DLL1: variants seen among roughly 807,000 people sequenced by gnomAD.
The protein encoded by DLL1 is delta-like protein 1.
A neutral mutation model predicts 75.1 loss-of-function variants in DLL1; 9 were observed. The observed-to-expected ratio is 0.12, with a 90% confidence interval of 0.07 to 0.21. The LOEUF is 0.21. Ranked by LOEUF, DLL1 falls within the 10% of genes least tolerant of loss-of-function variation. DLL1 has a pLI of 1.00. For synonymous variants in DLL1, 477 were observed against 418.3 expected (o/e 1.14, Z -1.71); for missense variants, 837 against 1,007.6 (o/e 0.83, Z 2.29).
chr6:170,283,982 C>G lies in DLL1; in HGVS notation c.1297G>C (p.Ala433Pro), dbSNP rs1323392639. ...LGDAYLCRCQAGFSGRHCDDN... is the reference protein window; with the variant it reads ...LGDAYLCRCQPGFSGRHCDDN... ...TCACAGTGCCTCCCCGAGAAGCCGG[C>G]CTGGCAGCGGCACAGGTAGGCATCA... Residue 433 changes from alanine to proline, a missense_variant, in exon 9 of 11, where the codon GCC becomes CCC. Around this residue, in one of 2 missense-constraint regions of DLL1, gnomAD observed 533 missense variants for 545.7 expected, o/e 0.98. Transcript: ENST00000366756. The G allele has an allele frequency of 6.3e-7, 1 of 1,585,278 alleles. No homozygotes were observed. The highest frequency in any genetic ancestry group is 8.5e-7 in the Non-Finnish European group (1 of 1,170,938).
At chr6:170,284,085 AG>A (rs1297393201) in intron 8 of DLL1, 56 bp from the exon 9 acceptor site, 1 of 1,533,112 alleles carries the variant, frequency 6.5e-7, no homozygotes, top group African/African-American at 1.4e-5. Flanking sequence ...TTCACCAAAA[AG>A]TCACTCTGAA....
At position 170,290,012 on chromosome 6, in the gene DLL1, C is replaced by G. The variant is rs887424060; in HGVS notation, c.54+74G>C. ...GCCCGTGCCGCTGTCCGCCCCTCCC[C>G]GCGCGCTCCTGCCCCGCGCCCCGGC... On this transcript the variant is annotated intron_variant, in intron 1 of 10. Coordinates refer to ENST00000366756, the MANE Select transcript of DLL1 (RefSeq NM_005618.4). The surrounding 1 kb of genome is among the most constrained non-coding windows in gnomAD (Gnocchi z 4.7). 4 of 1,394,314 alleles carry G rather than the reference C, an allele frequency of 2.9e-6. No individual in the cohort carries two copies. Among genetic ancestry groups the G allele is most frequent in the Non-Finnish European group, 3.7e-6 (4 of 1,083,342 alleles). The allele number at this position is 1,394,314 out of a possible 1,614,324, so 86.4% of individuals were successfully genotyped here.
Position 170,283,335 on chromosome 6 carries a change from C to A in DLL1, c.1944G>T (p.Lys648Asn). The A allele has an allele frequency of 6.2e-7, 1 of 1,613,032 alleles. No individual in the cohort carries two copies. The highest frequency in any genetic ancestry group is 1.1e-5 in the South Asian group (1 of 91,086). ...CGTCCCTGACGGCGGTGTCGTCACC[C>A]TTGAGGTCCTGCACGAGGTTATAGT... Reference protein sequence around the residue: ...AVDYNLVQDLKGDDTAVRDAH... With the variant: ...AVDYNLVQDLNGDDTAVRDAH... Residue 648 changes from lysine to asparagine, a missense_variant, in exon 9 of 11, where the codon AAG becomes AAT. Around this residue, in one of 2 missense-constraint regions of DLL1, gnomAD observed 533 missense variants for 545.7 expected, o/e 0.98. Transcript: ENST00000366756.
At chr6:170,287,426 A>C (rs1015785266) in intron 4 of DLL1, among the ~76,000 whole-genome samples, 1 of 152,206 alleles carries the variant, frequency 6.6e-6, no homozygotes, top group Non-Finnish European at 1.5e-5. Flanking sequence ...ATGGGCTGGG[A>C]CGGCCAGGCG....
chr6:170,284,033 G>C lies in DLL1; in HGVS notation c.1250-4C>G. On this transcript the variant is annotated splice_polypyrimidine_tract_variant and splice_region_variant and intron_variant, in intron 8 of 10. Transcript: ENST00000366756. ...CCGAGGTCCACACACTTGGCACCTG[G>C]AACACAGGGACATGAACATCACGTG... 2 of 1,563,678 alleles carry C rather than the reference G, an allele frequency of 1.3e-6. No homozygotes were observed. The highest frequency in any genetic ancestry group is 1.7e-6 in the Non-Finnish European group (2 of 1,162,630).
chr6:170,286,307 A>G lies in DLL1; in HGVS notation c.671-9T>C. 1 of 1,614,200 alleles carries G rather than the reference A, an allele frequency of 6.2e-7. No individual in the cohort carries two copies. Among genetic ancestry groups the G allele is most frequent in the Non-Finnish European group, 8.5e-7 (1 of 1,180,042 alleles). On this transcript the variant is annotated splice_polypyrimidine_tract_variant and intron_variant, in intron 4 of 10. Transcript: ENST00000366756. ...TCCAGGCAGGCAGATCGCTACAAGC[A>G]AAGGAAAAACAGGGTCAAGCCCCAC...
At chr6:170,287,598 G>C (rs1441462353) in intron 4 of DLL1, among the ~76,000 whole-genome samples, 1 of 152,210 alleles carries the variant, frequency 6.6e-6, no homozygotes, top group African/African-American at 2.4e-5. Flanking sequence ...TCACTATTGG[G>C]AAGACATTGC....
Position 170,288,770 on chromosome 6 carries a change from A to G in DLL1, c.371T>C (p.Ile124Thr). Residue 124 changes from isoleucine (I) to threonine (T), a missense_variant, in exon 3 of 11, where the codon ATT becomes ACT. Around this residue, in one of 2 missense-constraint regions of DLL1, gnomAD observed 304 missense variants for 461.9 expected, o/e 0.66. Coordinates refer to ENST00000366756, the MANE Select transcript of DLL1 (RefSeq NM_005618.4). ...AGGAGAATCTGTGTGGAGAGCTTCA[A>G]TAATCAGAGAGAAGGTGCCCTGGGA... ...FTWPGTFSLI[I>T]EALHTDSPDD... is the part of the protein sequence containing the mutation. 1 of 1,614,156 alleles carries G rather than the reference A, an allele frequency of 6.2e-7. No individual in the cohort carries two copies. The highest frequency in any genetic ancestry group is 8.5e-7 in the Non-Finnish European group (1 of 1,180,020).
At chr6:170,288,090 A>T in intron 4 of DLL1, 149 bp downstream of exon 4, 1 of 1,170,190 alleles carries the variant, frequency 8.5e-7, no homozygotes, top group Non-Finnish European at 1.2e-6. Context: ...GCTGTGACTT[A>T]TAGCAATCCA....
intron 3 of DLL1, 68 bp from the exon 4 acceptor site, chr6:170,288,564 G>T: frequency 6.2e-7 from 1 of 1,613,766 alleles, no homozygotes; most frequent in Non-Finnish European, 8.5e-7. Context: ...GAGCGGGGGT[G>T]GGCCGAGACA....
chr6:170,288,846 G>T, intron 2 of DLL1, 57 bp from the exon 3 acceptor site: 3 of 1,594,034 alleles, frequency 1.9e-6, no homozygotes, highest in Non-Finnish European at 2.6e-6. Context: ...AAAGAAAACG[G>T]CAAAAAGCAG....
rs754638774 is a variant in DLL1, at chr6:170,283,512, G to A, written c.1767C>T (p.Thr589=). ...PADPCRGETE[T]MNNLANCQRE... ...GCTGGCAGTTGGCCAGGTTGTTCAT[G>A]GTCTCCGTCTCCCCCCGGCAGGGGT... is the stretch of plus-strand genomic sequence containing the variant. Residue 589 remains threonine (T), a synonymous_variant, in exon 9 of 11, where the codon ACC becomes ACT. Transcript: ENST00000366756. 1 of 1,613,732 alleles carries A rather than the reference G, an allele frequency of 6.2e-7. No homozygotes were observed. Among genetic ancestry groups the A allele is most frequent in the Non-Finnish European group, 8.5e-7 (1 of 1,180,032 alleles).
In DLL1 at chr6:170,283,260, C is replaced by T. The variant is rs111294306; in HGVS notation, c.2019G>A (p.Glu673=). ...TGAGTGTGGTCGGGGTCCCCTTCTCCTCCCCTGAGGAGCCCTGGGGCTGGC... is the reference window on the plus strand; with the variant it reads ...TGAGTGTGGTCGGGGTCCCCTTCTCTTCCCCTGAGGAGCCCTGGGGCTGGC... ...TKCQPQGSSG[E]EKGTPTTLRG... is the part of the protein sequence containing the mutation. Residue 673 remains glutamate, a synonymous_variant, in exon 9 of 11, where the codon GAG becomes GAA. Transcript: ENST00000366756. 7.8e-5 allele frequency: 126 copies of T among 1,612,968 alleles called. 1 individual carries two copies. In the African/African-American group the frequency reaches 8.9e-4, roughly 11 times the overall value.
intron 2 of DLL1, 30 bp from the exon 3 acceptor site, chr6:170,288,819 A>G (rs1783767192): frequency 6.2e-7 from 1 of 1,613,256 alleles, no homozygotes; most frequent in Admixed American, 1.7e-5. Context: ...ACGTTAGACA[A>G]CCCAGAAAGG....
chr6:170,288,966 G>A (rs1404534078), intron 2 of DLL1, among the ~76,000 whole-genome samples, 177 bp from the exon 3 acceptor site: 1 of 152,212 alleles, frequency 6.6e-6, no homozygotes, highest in Non-Finnish European at 1.5e-5. Context: ...CTTCCCTAAG[G>A]AAATGGAAGA....
Position 170,288,398 on chromosome 6 carries a change from G to A in DLL1, c.511C>T (p.Leu171Phe). 6 of 1,614,080 alleles carry A rather than the reference G, an allele frequency of 3.7e-6. No individual in the cohort carries two copies. The highest frequency in any genetic ancestry group is 3.3e-5 in the South Asian group (3 of 91,088). ...CACACGAAGCGGTAGGAGTACTTGAGGTCCGTGCGGCCGCTGCTGTGCAGG... is the reference window on the plus strand; with the variant it reads ...CACACGAAGCGGTAGGAGTACTTGAAGTCCGTGCGGCCGCTGCTGTGCAGG... ...QDLHSSGRTD[L>F]KYSYRFVCDE... Residue 171 changes from leucine to phenylalanine, a missense_variant, in exon 4 of 11, where the codon CTC (leucine) becomes TTC (phenylalanine). Leu to Phe is a conservative substitution (Grantham distance 22). Transcript: ENST00000366756.
rs1783577584 is a variant in DLL1 at position 170,282,429 on chromosome 6, A to G, written c.*445T>C. The G allele has an allele frequency of 4.6e-6, 1 of 215,636 alleles. No individual in the cohort carries two copies. Among genetic ancestry groups the G allele is most frequent in the Non-Finnish European group, 9.3e-6 (1 of 107,322 alleles). 13.4% of individuals were successfully genotyped at this position (215,636 alleles called of 1,614,324 possible). A position where few individuals can be genotyped will look rare whatever the true frequency, so the allele number is the denominator to read the frequency against. On this transcript the variant is annotated 3_prime_UTR_variant, in exon 11 of 11. Coordinates refer to ENST00000366756, the MANE Select transcript of DLL1 (RefSeq NM_005618.4). ...TACTCAAGCTTTACAGATATCATGA[A>G]AAATATTTTTACAAATCCAAAAAAT...
At chr6:170,289,071 C>G in intron 2 of DLL1, 1 of 593,246 alleles carries the variant, frequency 1.7e-6, no homozygotes, top group East Asian at 2.9e-5. Flanking sequence ...AGAATGCAGG[C>G]AGGATGGGGT....
In DLL1 at chr6:170,290,541, T is replaced by C. The variant is rs1783838040; in HGVS notation, c.-402A>G. On this transcript the variant is annotated 5_prime_UTR_variant, in exon 1 of 11. Transcript: ENST00000366756. This position sits in a 1 kb window ranked among gnomAD's most constrained non-coding sequence, Gnocchi z 4.7. ...AAGAGAGAGAGTCCAGAGATTGAGC[T>C]TAATTCCCAAGAGAGCTGCAGAGCT... is the stretch of plus-strand genomic sequence containing the variant. 8.1e-6 allele frequency: 2 copies of C among 246,712 alleles called. No homozygotes were observed. Among genetic ancestry groups the C allele is most frequent in the Non-Finnish European group, 1.5e-5 (2 of 131,816 alleles). 15.3% of individuals were successfully genotyped at this position (246,712 alleles called of 1,614,324 possible). A position where few individuals can be genotyped will look rare whatever the true frequency, so the allele number is the denominator to read the frequency against.
Sources: allele counts gnomAD v4.1 joint callset (sites outside exome capture counted in the v4.1 genomes callset), GRCh38; gene constraint gnomAD v4.1.1; regional missense constraint gnomAD v4.1.1; non-coding constraint Gnocchi (gnomAD v3.1); transcripts MANE v1.5; gene names NCBI Gene and HGNC (gene_info 2026-07-23, HGNC 2026-07-21).